CEP43: variants seen among roughly 807,000 people sequenced by gnomAD.
CEP43 encodes the protein centrosomal protein 43, also known as FGFR1 oncogene partner.
A neutral mutation model predicts 52.6 loss-of-function variants in CEP43; 36 were observed. The observed-to-expected ratio is 0.68, with a 90% CI of 0.52 to 0.90. CEP43 has a LOEUF of 0.90. Among genes scored for constraint, CEP43 ranks in the 40% least tolerant of loss-of-function variants. CEP43 has a pLI of 0.00. For synonymous variants in CEP43, 192 were observed against 172.4 expected (o/e 1.11, Z -0.89); for missense variants, 506 against 472.8 (o/e 1.07, Z -0.65).
chr6:166,999,522 C>G lies in CEP43; in HGVS notation c.102+8C>G. 7.0e-7 allele frequency: 1 copy of G among 1,427,532 alleles called. No individual in the cohort carries two copies. The highest frequency in any genetic ancestry group is 9.2e-7 in the Non-Finnish European group (1 of 1,082,736). 88.4% of individuals were successfully genotyped at this position (1,427,532 alleles called of 1,614,324 possible). A position where few individuals can be genotyped will look rare whatever the true frequency, so the allele number is the denominator to read the frequency against. On this transcript the variant is annotated splice_region_variant and intron_variant, in intron 1 of 12. Transcript: ENST00000366847. The stretch of plus-strand genomic sequence containing the variant: ...GTCCTGAACCGCATCAAGGTGAGGC[C>G]GGAGGCTGGGGCCGGGCCTGGCGGA...
intron 8 of CEP43, among the ~76,000 whole-genome samples, chr6:167,023,213 G>A (rs162290): frequency 6.6e-6 from 1 of 152,148 alleles, no homozygotes; most frequent in East Asian, 1.9e-4. Flanking sequence ...TGGACTCAGA[G>A]ATGAGGAGCT....
At position 167,045,367 on chromosome 6, in the gene CEP43, C is replaced by T. The variant is rs541681224; in HGVS notation, c.*5389C>T. The T allele has an allele frequency of 3.3e-5, 5 of 151,480 alleles. No individual in the cohort carries two copies. Among genetic ancestry groups the T allele is most frequent in the African/African-American group, 4.8e-5 (2 of 41,484 alleles). The allele number at this position is 151,480 out of a possible 1,614,324, so 9.4% of individuals were successfully genotyped here. ...GATCCGCACCCCTCCCCGCCCCCCC[C>T]GCGGCCCAGCCTCCCAAAGTGCTGG... is the stretch of plus-strand genomic sequence containing the variant. On this transcript the variant is annotated 3_prime_UTR_variant, in exon 13 of 13. Coordinates refer to ENST00000366847, the MANE Select transcript of CEP43 (RefSeq NM_007045.4).
intron 10 of CEP43, among the ~76,000 whole-genome samples, chr6:167,029,924 C>T (rs1780430978): frequency 6.6e-6 from 1 of 152,188 alleles, no homozygotes; most frequent in Non-Finnish European, 1.5e-5. Context: ...CTACAAAGAA[C>T]CTTCTTAAGC....
intron 10 of CEP43, among the ~76,000 whole-genome samples, chr6:167,026,966 A>G (rs939099928): frequency 6.6e-6 from 1 of 152,244 alleles, no homozygotes; most frequent in Non-Finnish European, 1.5e-5. Context: ...TTCAGGGAAG[A>G]CTTCTTATAA....
intron 11 of CEP43, among the ~76,000 whole-genome samples, chr6:167,033,234 C>T (rs1780512508): frequency 6.7e-6 from 1 of 150,036 alleles, no homozygotes; most frequent in African/African-American, 2.4e-5. Context: ...CCTCAGCTTC[C>T]CATGTAGCTG....
intron 9 of CEP43, among the ~76,000 whole-genome samples, chr6:167,025,736 A>G (rs1056012206): frequency 6.6e-6 from 1 of 152,032 alleles, no homozygotes; most frequent in African/African-American, 2.4e-5. Flanking sequence ...ATCCCTTCCC[A>G]TTTGCTTCTT....
chr6:167,033,712 A>G (rs1780522858), intron 11 of CEP43, among the ~76,000 whole-genome samples, 163 bp from the exon 12 acceptor site: 1 of 152,174 alleles, frequency 6.6e-6, no homozygotes, highest in African/African-American at 2.4e-5. Context: ...CCCTTGCTAC[A>G]TTATTTTAAG....
At chr6:167,012,784 G>C (rs111784509) in intron 6 of CEP43, among the ~76,000 whole-genome samples, 148 of 152,234 alleles carry the variant, frequency 9.7e-4, no homozygotes, top group Non-Finnish European at 1.6e-3. Context: ...TTCCAGAGAA[G>C]GGGGGACTGT....
chr6:167,017,116 C>CTCCT (rs1490728949), intron 7 of CEP43, among the ~76,000 whole-genome samples: 1 of 151,702 alleles, frequency 6.6e-6, no homozygotes, highest in African/African-American at 2.4e-5. Context: ...CTGCCTCAGC[C>CTCCT]TCCTGAGTAG....
At chr6:167,039,743 C>T (rs1415702754) in intron 12 of CEP43, among the ~76,000 whole-genome samples, 161 bp from the exon 13 acceptor site, 1 of 152,226 alleles carries the variant, frequency 6.6e-6, no homozygotes, top group African/African-American at 2.4e-5. Flanking sequence ...GTTCCCTTTT[C>T]ACCACATCTT....
In CEP43 at chr6:167,050,261, T is replaced by A. The variant is rs1780851791; in HGVS notation, c.*10283T>A. 1 of 152,492 alleles carries A rather than the reference T, an allele frequency of 6.6e-6. No individual in the cohort carries two copies. Among genetic ancestry groups the A allele is most frequent in the East Asian group, 1.9e-4 (1 of 5,210 alleles). 9.4% of individuals were successfully genotyped at this position (152,492 alleles called of 1,614,324 possible). On this transcript the variant is annotated 3_prime_UTR_variant, in exon 13 of 13. Coordinates refer to ENST00000366847, the MANE Select transcript of CEP43 (RefSeq NM_007045.4). The stretch of plus-strand genomic sequence containing the variant: ...TGTGAAGAAGGTGCCTTGCTTCTCC[T>A]TTGCCTTCTGCCATGAGTGTAAGTT...
intron 1 of CEP43, 81 bp from the exon 2 acceptor site, chr6:166,999,979 T>G: frequency 8.1e-7 from 1 of 1,231,980 alleles, no homozygotes; most frequent in Non-Finnish European, 1.2e-6. Flanking sequence ...GGCTTGCTCG[T>G]GTTTGTTGCT....
chr6:167,030,054 A>T (rs1163814894), intron 10 of CEP43, among the ~76,000 whole-genome samples: 1 of 152,142 alleles, frequency 6.6e-6, no homozygotes, highest in Non-Finnish European at 1.5e-5. Flanking sequence ...GGCTATTTTC[A>T]CTTCTTTTGT....
intron 12 of CEP43, chr6:167,036,088 A>G: frequency 1.0e-6 from 1 of 985,296 alleles, no homozygotes; most frequent in Non-Finnish European, 1.2e-6. Context: ...AGGATCAGAG[A>G]GAGAAAAGCC....
chr6:167,013,471 A>G (rs376560264), intron 6 of CEP43, 37 bp from the exon 7 acceptor site: 38 of 1,537,036 alleles, frequency 2.5e-5, no homozygotes, highest in Non-Finnish European at 3.2e-5. Flanking sequence ...AAAGATTTCT[A>G]TTTTGTGGTA....
At chr6:167,015,604 A>G (rs979238934) in intron 7 of CEP43, among the ~76,000 whole-genome samples, 21 of 152,214 alleles carry the variant, frequency 1.4e-4, no homozygotes, top group African/African-American at 3.9e-4. Flanking sequence ...GCGATGCAGG[A>G]GGGCCTAGGG....
In CEP43 at chr6:167,013,028, C is replaced by T. The variant is rs576509628; in HGVS notation, c.520-480C>T. ...ATTTGGGATCCAGTACTTTCCCTAC[C>T]GTCTTCTTGCTAGCTACCTCCTACC... is the stretch of plus-strand genomic sequence containing the variant. On this transcript the variant is annotated intron_variant, in intron 6 of 12. Transcript: ENST00000366847. Among the ~76,000 whole-genome samples the T allele has an allele frequency of 4.6e-5, 7 of 152,274 alleles. No homozygotes were observed. The South Asian group carries it at 8.3e-4, about 18-fold the overall frequency.
At chr6:167,009,523 A>C (rs1349148649) in intron 5 of CEP43, among the ~76,000 whole-genome samples, 56 of 150,082 alleles carry the variant, frequency 3.7e-4, no homozygotes, top group African/African-American at 1.3e-3. Context: ...AAAAAAAAAA[A>C]AAAAAATACA....
intron 10 of CEP43, among the ~76,000 whole-genome samples, chr6:167,031,428 A>T (rs1163414737): frequency 6.6e-6 from 1 of 152,216 alleles, no homozygotes. Flanking sequence ...CCCTGAGATC[A>T]GAGATACCAT....
Sources: gnomAD v4.1 joint callset for allele counts (sites outside exome capture counted in the v4.1 genomes callset) on GRCh38, gnomAD v4.1.1 for gene constraint, MANE v1.5 for transcripts, NCBI Gene and HGNC (gene_info 2026-07-23, HGNC 2026-07-21) for gene names.